HDAC9: variants seen among roughly 807,000 people sequenced by gnomAD.
The protein encoded by HDAC9 is MEF-2 interacting transcription repressor (MITR) protein.
HDAC9 carries 41 observed loss-of-function variants against 139.4 expected under a neutral mutation model. The ratio of observed to expected loss-of-function variants is 0.29; its 90% CI spans 0.23 to 0.38. HDAC9 has a LOEUF of 0.38. Ranked by LOEUF, HDAC9 falls within the 10% of genes least tolerant of loss-of-function variation. The pLI is 1.00. For synonymous variants in HDAC9, 517 were observed against 476.2 expected, an observed-to-expected ratio of 1.09 and a Z score of -1.12; for missense variants, 1,147 against 1,297.0, an observed-to-expected ratio of 0.88 and a Z score of 1.78.
intron 2 of HDAC9, among the ~76,000 whole-genome samples, chr7:18,561,192 T>A (rs949359638): frequency 4.6e-5 from 7 of 152,222 alleles, no homozygotes; most frequent in African/African-American, 1.4e-4. Flanking sequence ...TGCTTTCGCA[T>A]GTGCTTCTCC....
rs558268833 is a variant in HDAC9, at chr7:18,321,469, A to G, written c.-42+30954A>G. On this transcript the variant is annotated intron_variant, in intron 1 of 3. Coordinates refer to the HDAC9 transcript ENST00000413509. ...CATTCTAAATAGGTGATATGCCTTTATGTTGCTGAAGATACTCCATTTTAA... is the reference window on the plus strand; with the variant it reads ...CATTCTAAATAGGTGATATGCCTTTGTGTTGCTGAAGATACTCCATTTTAA... Among the ~76,000 whole-genome samples the G allele has an allele frequency of 1.3e-3, 201 of 152,332 alleles. 2 individuals carry two copies. Among genetic ancestry groups the G allele is most frequent in the Middle Eastern group, 6.8e-3 (2 of 294 alleles).
At chr7:18,254,679 G>A (rs1393652340) in intron 2 of HDAC9, among the ~76,000 whole-genome samples, 1 of 152,140 alleles carries the variant, frequency 6.6e-6, no homozygotes, top group Non-Finnish European at 1.5e-5. Flanking sequence ...TAGAACATAT[G>A]TTCTTTAACA....
chr7:18,922,336 T>C (rs1004774098), intron 22 of HDAC9, among the ~76,000 whole-genome samples: 2 of 152,046 alleles, frequency 1.3e-5, no homozygotes, highest in Non-Finnish European at 2.9e-5. Context: ...ATTAAACCTA[T>C]TATTTATAAT....
chr7:18,238,950 A>T (rs1454277397), intron 2 of HDAC9, among the ~76,000 whole-genome samples: 1 of 152,208 alleles, frequency 6.6e-6, no homozygotes, highest in Admixed American at 6.5e-5. Context: ...CTCAGCTTCA[A>T]ATTGGTAATG....
At chr7:18,360,519 A>T (rs1783695345) in intron 1 of HDAC9, among the ~76,000 whole-genome samples, 1 of 152,148 alleles carries the variant, frequency 6.6e-6, no homozygotes, top group African/African-American at 2.4e-5. Flanking sequence ...TTGCTGTGGA[A>T]AAAAAGGAGA....
At chr7:18,601,407 T>C (rs943743164) in intron 6 of HDAC9, among the ~76,000 whole-genome samples, 1 of 152,174 alleles carries the variant, frequency 6.6e-6, no homozygotes, top group Non-Finnish European at 1.5e-5. Context: ...GACGATGTGA[T>C]TTGTGGACAA....
At chr7:18,656,967 G>A (rs1197959014) in intron 11 of HDAC9, among the ~76,000 whole-genome samples, 1 of 151,996 alleles carries the variant, frequency 6.6e-6, no homozygotes, top group African/African-American at 2.4e-5. Context: ...CCATCTTTTG[G>A]ATAAAAGCAT....
intron 1 of HDAC9, among the ~76,000 whole-genome samples, chr7:18,408,448 A>G (rs921404211): frequency 1.6e-4 from 24 of 152,230 alleles, no homozygotes; most frequent in Admixed American, 9.8e-4. Context: ...GCTTTCTGAC[A>G]TAAATCTTTT....
At chr7:18,634,955 T>A (rs1783440613) in intron 8 of HDAC9, among the ~76,000 whole-genome samples, 1 of 152,122 alleles carries the variant, frequency 6.6e-6, no homozygotes. Flanking sequence ...CTGATATTTA[T>A]TAGCTGACAT....
intron 2 of HDAC9, among the ~76,000 whole-genome samples, chr7:18,521,645 T>C (rs1805069612): frequency 6.6e-6 from 1 of 152,192 alleles, no homozygotes. Flanking sequence ...TTTCTCAAGA[T>C]ACGTTCAATT....
At chr7:18,649,282 G>T (rs1387286288) in intron 11 of HDAC9, among the ~76,000 whole-genome samples, 1 of 152,132 alleles carries the variant, frequency 6.6e-6, no homozygotes, top group Non-Finnish European at 1.5e-5. Context: ...CAACTACAAA[G>T]AAACAGTGAT....
intron 2 of HDAC9, among the ~76,000 whole-genome samples, chr7:18,278,672 T>A (rs540189191): frequency 6.6e-5 from 10 of 152,318 alleles, no homozygotes; most frequent in African/African-American, 2.4e-4. Context: ...TGCAGTTATT[T>A]CTTAAACTTT....
At chr7:18,417,962 T>G (rs1259059187) in intron 1 of HDAC9, among the ~76,000 whole-genome samples, 6 of 152,154 alleles carry the variant, frequency 3.9e-5, no homozygotes, top group African/African-American at 1.4e-4. Flanking sequence ...TCAGCTCTGT[T>G]TCCTCAAGTC....
intron 21 of HDAC9, among the ~76,000 whole-genome samples, chr7:18,855,887 A>G (rs1364339066): frequency 1.3e-5 from 2 of 152,140 alleles, no homozygotes; most frequent in Non-Finnish European, 2.9e-5. Context: ...GTGCACCGTC[A>G]TCTTCCTTGA....
At chr7:18,337,251 C>T (rs377462848) in intron 1 of HDAC9, among the ~76,000 whole-genome samples, 1 of 151,600 alleles carries the variant, frequency 6.6e-6, no homozygotes, top group Non-Finnish European at 1.5e-5. Flanking sequence ...AACCTTTCTT[C>T]CTTTCTTCCT....
At chr7:18,099,115 A>T (rs1164028208) in intron 1 of HDAC9, among the ~76,000 whole-genome samples, 1 of 152,190 alleles carries the variant, frequency 6.6e-6, no homozygotes, top group African/African-American at 2.4e-5. Flanking sequence ...CCTACATTAA[A>T]ATAAATATTA....
At chr7:18,247,452 T>C (rs1247078273) in intron 2 of HDAC9, among the ~76,000 whole-genome samples, 3 of 152,056 alleles carry the variant, frequency 2.0e-5, no homozygotes, top group Admixed American at 1.3e-4. Flanking sequence ...CTGAATGAGA[T>C]GCTGCTGAAG....
intron 1 of HDAC9, among the ~76,000 whole-genome samples, chr7:18,355,653 G>A (rs1353221412): frequency 6.6e-6 from 1 of 152,132 alleles, no homozygotes; most frequent in Non-Finnish European, 1.5e-5. Context: ...ATCTGTGGAA[G>A]GTTAAATATA....
chr7:18,522,624 A>C (rs1195411313), intron 2 of HDAC9, among the ~76,000 whole-genome samples: 2 of 152,106 alleles, frequency 1.3e-5, no homozygotes, highest in Non-Finnish European at 2.9e-5. Flanking sequence ...AAACAAAAAA[A>C]AAAACATCTA....
Sources: allele counts gnomAD v4.1 joint callset (sites outside exome capture counted in the v4.1 genomes callset), GRCh38; gene constraint gnomAD v4.1.1; transcripts MANE v1.5; gene names NCBI Gene and HGNC (gene_info 2026-07-23, HGNC 2026-07-21).